The following SLC25A21 variants were observed in gnomAD, a reference collection of about 807,000 sequenced individuals.
SLC25A21 encodes the protein mitochondrial 2-oxodicarboxylate carrier.
Under a neutral mutation model 43.8 loss-of-function variants are expected in SLC25A21, and 47 were observed. The ratio of observed to expected loss-of-function variants is 1.07; its 90% CI spans 0.85 to 1.37. The LOEUF is 1.37. SLC25A21 is among the 40% of genes most tolerant of loss of function. The pLI is 0.00. For synonymous variants in SLC25A21, 131 were observed against 121.3 expected, an observed-to-expected ratio of 1.08 and a Z score of -0.52; for missense variants, 352 against 350.2, an observed-to-expected ratio of 1.00 and a Z score of -0.04.
chr14:36,683,887 T>C lies in SLC25A21; in HGVS notation c.786-7A>G, dbSNP rs747072822. 12 of 1,601,724 alleles carry C rather than the reference T, an allele frequency of 7.5e-6. No homozygotes were observed. The highest frequency in any genetic ancestry group is 1.7e-5 in the Admixed American group (1 of 59,024). ...TTTGTACAAAGCTAAAATCCTGTAATGGGAAGGGAAAGAGAAACGTTCTTA... is the reference window on the plus strand; with the variant it reads ...TTTGTACAAAGCTAAAATCCTGTAACGGGAAGGGAAAGAGAAACGTTCTTA... On this transcript the variant is annotated splice_region_variant and splice_polypyrimidine_tract_variant and intron_variant, in intron 8 of 9. Transcript: ENST00000331299.
chr14:37,098,901 C>T (rs535124465), intron 1 of SLC25A21, among the ~76,000 whole-genome samples: 3 of 151,388 alleles, frequency 2.0e-5, no homozygotes, highest in Admixed American at 6.6e-5. Flanking sequence ...CTCCTGGGTT[C>T]AGGCAATTCT....
Position 36,973,393 on chromosome 14 carries a change from G to A in SLC25A21, c.71-98389C>T, listed in dbSNP as rs567977220. Among the ~76,000 whole-genome samples the A allele has an allele frequency of 1.2e-4, 18 of 152,304 alleles. No individual in the cohort carries two copies. In the East Asian group the frequency reaches 1.5e-3, roughly 13 times the overall value. ...GAGAAACATAGCGGAGGCTGCCTCC[G>A]TGGGGTGTGGTGGCCAGTTACATAT... On this transcript the variant is annotated intron_variant, in intron 1 of 9. Coordinates refer to ENST00000331299, the MANE Select transcript of SLC25A21 (RefSeq NM_030631.4).
chr14:37,120,568 A>G (rs1963189835), intron 1 of SLC25A21, among the ~76,000 whole-genome samples: 1 of 152,246 alleles, frequency 6.6e-6, no homozygotes, highest in African/African-American at 2.4e-5. Context: ...GATGGGAGAG[A>G]CTACCCATGA....
chr14:36,990,768 A>C (rs8011289), intron 1 of SLC25A21, among the ~76,000 whole-genome samples: 20,356 of 151,882 alleles, frequency 0.13, 2,143 homozygotes, highest in African/African-American at 0.29. Context: ...GTAGTCACAG[A>C]TACTTGGTAG....
At chr14:36,811,769 A>G (rs546425920) in intron 3 of SLC25A21, among the ~76,000 whole-genome samples, 1 of 152,380 alleles carries the variant, frequency 6.6e-6, no homozygotes, top group South Asian at 2.1e-4. Flanking sequence ...TCAAAATGAA[A>G]TTTAATTTCT....
intron 2 of SLC25A21, 93 bp downstream of exon 2, chr14:36,874,863 C>T (rs531696265): frequency 9.4e-6 from 9 of 956,734 alleles, no homozygotes; most frequent in East Asian, 2.6e-5. Context: ...GAGAAGCTAC[C>T]GGCCTGGGAC....
At chr14:36,845,214 GA>G (rs1178439546) in intron 2 of SLC25A21, among the ~76,000 whole-genome samples, 4 of 152,002 alleles carry the variant, frequency 2.6e-5, no homozygotes, top group Non-Finnish European at 2.9e-5. Context: ...ACTCACCCTG[GA>G]AAAATTCACC....
chr14:37,058,549 G>C (rs1785350934), intron 1 of SLC25A21, among the ~76,000 whole-genome samples: 2 of 152,142 alleles, frequency 1.3e-5, no homozygotes, highest in Non-Finnish European at 2.9e-5. Flanking sequence ...TAAGATGAAG[G>C]GATTGGACAA....
At chr14:36,809,435 C>T (rs1888155040) in intron 3 of SLC25A21, among the ~76,000 whole-genome samples, 3 of 152,260 alleles carry the variant, frequency 2.0e-5, no homozygotes, top group Admixed American at 1.3e-4. Context: ...TTTAATCTCA[C>T]TTCTGTAAAG....
chr14:36,965,791 C>G (rs1017061004), intron 1 of SLC25A21, among the ~76,000 whole-genome samples: 8 of 152,064 alleles, frequency 5.3e-5, no homozygotes, highest in Admixed American at 3.3e-4. Context: ...TAAGAGAGCC[C>G]TAATCATCTG....
intron 1 of SLC25A21, among the ~76,000 whole-genome samples, chr14:37,161,962 C>CAAAAAAAAAAAAA (rs36029964): frequency 1.2e-5 from 1 of 86,282 alleles, no homozygotes; most frequent in Non-Finnish European, 2.1e-5. Flanking sequence ...GACTCCGTCT[C>CAAAAAAAAAAAAA]AAAAAAAAAA....
intron 1 of SLC25A21, among the ~76,000 whole-genome samples, chr14:36,884,123 AT>A (rs1284418525): frequency 6.6e-6 from 1 of 152,068 alleles, no homozygotes; most frequent in Non-Finnish European, 1.5e-5. Context: ...TTTAATCAAC[AT>A]CTCCCCTTTC....
chr14:37,049,196 A>G (rs1961653173), intron 1 of SLC25A21, among the ~76,000 whole-genome samples: 1 of 152,228 alleles, frequency 6.6e-6, no homozygotes, highest in African/African-American at 2.4e-5. Flanking sequence ...CCAATATTTC[A>G]ATACATAGTA....
chr14:37,031,244 C>T (rs956166713), intron 1 of SLC25A21, among the ~76,000 whole-genome samples: 3 of 152,174 alleles, frequency 2.0e-5, no homozygotes, highest in Admixed American at 6.5e-5. Context: ...TTCAAACAAT[C>T]ACACAGTTTA....
At chr14:37,023,678 C>G (rs1186744952) in intron 1 of SLC25A21, among the ~76,000 whole-genome samples, 1 of 151,856 alleles carries the variant, frequency 6.6e-6, no homozygotes, top group African/African-American at 2.4e-5. Flanking sequence ...TACTGAACTC[C>G]CAGAACACCC....
intron 1 of SLC25A21, among the ~76,000 whole-genome samples, chr14:37,015,970 A>C (rs1960845802): frequency 6.7e-6 from 1 of 150,186 alleles, no homozygotes; most frequent in Non-Finnish European, 1.5e-5. Flanking sequence ...AGGTTGCGAA[A>C]ATTTTCTCCC....
At chr14:37,165,929 G>A (rs1030547702) in intron 1 of SLC25A21, among the ~76,000 whole-genome samples, 1 of 152,124 alleles carries the variant, frequency 6.6e-6, no homozygotes, top group African/African-American at 2.4e-5. Context: ...TACATGACAG[G>A]GGAGCCTCCT....
At chr14:37,143,589 C>CGTGTGT (rs10531936) in intron 1 of SLC25A21, among the ~76,000 whole-genome samples, 1,783 of 148,632 alleles carry the variant, frequency 0.012, 23 homozygotes, top group East Asian at 0.041. Context: ...TGTTCATTAG[C>CGTGTGT]GTGTGTGTGT....
chr14:37,026,575 T>C (rs1463542525), intron 1 of SLC25A21, among the ~76,000 whole-genome samples: 2 of 152,144 alleles, frequency 1.3e-5, no homozygotes, highest in Non-Finnish European at 2.9e-5. Flanking sequence ...TTGTGAAATA[T>C]TGTGGTATTA....
Sources: allele counts gnomAD v4.1 joint callset (sites outside exome capture counted in the v4.1 genomes callset), GRCh38; gene constraint gnomAD v4.1.1; transcripts MANE v1.5; gene names NCBI Gene and HGNC (gene_info 2026-07-23, HGNC 2026-07-21).